Variants in PHF21B observed in about 807,000 individuals in gnomAD.
PHF21B encodes PHD finger protein 21B.
In PHF21B, 22 loss-of-function variants were observed where a neutral mutation model predicts 62.2. That is an observed-to-expected ratio of 0.35 (90% CI 0.25 to 0.51). The LOEUF (loss-of-function observed/expected upper bound fraction) is 0.51, where lower values mean the gene tolerates loss of function less well. PHF21B is among the 20% of genes least tolerant of loss of function. The pLI is 0.97. For synonymous variants in PHF21B, 341 were observed against 314.7 expected (o/e 1.08, Z -0.88); for missense variants, 701 against 707.9 (o/e 0.99, Z 0.11).
Position 44,883,043 on chromosome 22 carries a change from G to T in PHF21B, c.*43C>A. On this transcript the variant is annotated 3_prime_UTR_variant, in exon 13 of 13. Coordinates refer to ENST00000313237, the MANE Select transcript of PHF21B (RefSeq NM_138415.5). ...AGAACCCCCAGGCTGTGTAAGCAGG[G>T]TCCCAATAACTTTCCGTGGGTATGA... 6.4e-7 allele frequency: 1 copy of T among 1,556,748 alleles called. No individual in the cohort carries two copies. The highest frequency in any genetic ancestry group is 8.7e-7 in the Non-Finnish European group (1 of 1,150,720).
At chr22:44,937,716 T>G (rs1024506325) in intron 2 of PHF21B, among the ~76,000 whole-genome samples, 10 of 152,228 alleles carry the variant, frequency 6.6e-5, no homozygotes, top group Non-Finnish European at 1.3e-4. Context: ...AAACCTACTG[T>G]GGGACCCCCA....
Position 44,888,178 on chromosome 22 carries a change from G to T in PHF21B, c.1039-57C>A. ...AGCCACAGCCAGGGCAGCGGGGGCC[G>T]GTCAGCCAGGGCCAGGCCCAGGCAG... On this transcript the variant is annotated intron_variant, in intron 9 of 12. Transcript: ENST00000313237. 3 of 1,427,342 alleles carry T rather than the reference G, an allele frequency of 2.1e-6. No homozygotes were observed. In the South Asian group the frequency reaches 4.4e-5, roughly 21 times the overall value. The allele number at this position is 1,427,342 out of a possible 1,614,324, so 88.4% of individuals were successfully genotyped here. A position where few individuals can be genotyped will look rare whatever the true frequency, so the allele number is the denominator to read the frequency against.
intron 2 of PHF21B, among the ~76,000 whole-genome samples, chr22:44,999,004 ACCCT>A (rs976026746): frequency 1.4e-4 from 21 of 152,248 alleles, no homozygotes; most frequent in Middle Eastern, 3.4e-3. Flanking sequence ...CCACATGGAT[ACCCT>A]CCTTTCTGCC....
At chr22:44,987,726 G>A (rs571141156) in intron 2 of PHF21B, among the ~76,000 whole-genome samples, 1 of 151,338 alleles carries the variant, frequency 6.6e-6, no homozygotes, top group Non-Finnish European at 1.5e-5. Context: ...TGAGGTTTAC[G>A]GTTCTTAAAT....
chr22:44,884,605 TCACCATAATCAC>T (rs971934298), intron 12 of PHF21B, among the ~76,000 whole-genome samples: 65 of 146,704 alleles, frequency 4.4e-4, no homozygotes, highest in African/African-American at 1.2e-3. Flanking sequence ...AACACCACCA[TCACCATAATCAC>T]CACCATAATC....
chr22:44,945,040 C>T (rs763152902), intron 2 of PHF21B, among the ~76,000 whole-genome samples: 3 of 133,268 alleles, frequency 2.3e-5, no homozygotes, highest in East Asian at 3.0e-4. Flanking sequence ...AAGGTGCTTG[C>T]GACGGCTCAC....
intron 2 of PHF21B, among the ~76,000 whole-genome samples, chr22:44,946,073 C>T (rs576879655): frequency 8.7e-5 from 13 of 149,848 alleles, no homozygotes; most frequent in Admixed American, 6.6e-4. Flanking sequence ...TGGCCTCCAC[C>T]GGCTCATCAG....
Position 44,883,084 on chromosome 22 carries a change from G to T in PHF21B, c.*2C>A. The T allele has an allele frequency of 6.2e-7, 1 of 1,608,242 alleles. No homozygotes were observed. The highest frequency in any genetic ancestry group is 8.5e-7 in the Non-Finnish European group (1 of 1,178,198). On this transcript the variant is annotated 3_prime_UTR_variant, in exon 13 of 13. Transcript: ENST00000313237. ...GTGGGTATGAAGACTGGTCCCTCGG[G>T]GTCAGTTGTGGCCCTGGGGGTGCTG...
rs576458878 is a variant in PHF21B at position 44,913,072 on chromosome 22, G to A, written c.831+750C>T. The stretch of plus-strand genomic sequence containing the variant: ...CGGCCCTGAGTCAGCTGCTGTCCCC[G>A]CGCCACCATCAGTGCAGGGGCTGCG... On this transcript the variant is annotated intron_variant, in intron 5 of 12. Transcript: ENST00000313237. Among the ~76,000 whole-genome samples the A allele has an allele frequency of 2.7e-3, 408 of 152,182 alleles. 2 individuals are homozygous for A. Among genetic ancestry groups the A allele is most frequent in the African/African-American group, 9.1e-3 (376 of 41,498 alleles).
intron 2 of PHF21B, among the ~76,000 whole-genome samples, chr22:44,972,312 T>C (rs1291335901): frequency 1.3e-5 from 2 of 152,254 alleles, no homozygotes; most frequent in Non-Finnish European, 2.9e-5. Context: ...CTTTTGACTT[T>C]GGTAAAATGT....
In PHF21B at chr22:44,934,244, C is replaced by A. The variant is rs1024832503; in HGVS notation, c.121-13754G>T. 4.5e-4 allele frequency among the ~76,000 whole-genome samples: 69 copies of A among 152,330 alleles called. 1 individual carries two copies. Among genetic ancestry groups the A allele is most frequent in the South Asian group, 3.5e-3 (17 of 4,826 alleles). ...GCCGCTGGCCCTCACCTGCACCTCA[C>A]CCACCTGCTTCCCCTGTCCTGGAGC... On this transcript the variant is annotated intron_variant, in intron 2 of 12. Coordinates refer to ENST00000313237, the MANE Select transcript of PHF21B (RefSeq NM_138415.5).
In PHF21B at chr22:44,927,038, C is replaced by T. The variant is rs2071646135; in HGVS notation, c.121-6548G>A. Reference sequence around the variant, plus strand: ...CCCTCCTGACTTGGGACCCTGACAACTCCTGTGCCCTTACTTTAGGAATTC... The same window carrying T: ...CCCTCCTGACTTGGGACCCTGACAATTCCTGTGCCCTTACTTTAGGAATTC... On this transcript the variant is annotated intron_variant, in intron 2 of 12. Coordinates refer to ENST00000313237, the MANE Select transcript of PHF21B (RefSeq NM_138415.5). Among the ~76,000 whole-genome samples the T allele has an allele frequency of 4.6e-5, 7 of 152,240 alleles. No individual in the cohort carries two copies. The South Asian group carries it at 1.5e-3, about 32-fold the overall frequency.
chr22:44,908,904 T>A (rs1293930502), intron 5 of PHF21B, among the ~76,000 whole-genome samples: 7 of 152,184 alleles, frequency 4.6e-5, no homozygotes. Flanking sequence ...TTCAAGCGAT[T>A]CTCCTGCCTC....
chr22:44,883,059 G>A lies in PHF21B; in HGVS notation c.*27C>T, dbSNP rs562305338. On this transcript the variant is annotated 3_prime_UTR_variant, in exon 13 of 13. Coordinates refer to ENST00000313237, the MANE Select transcript of PHF21B (RefSeq NM_138415.5). ...GTAAGCAGGGTCCCAATAACTTTCCGTGGGTATGAAGACTGGTCCCTCGGG... is the reference window on the plus strand; with the variant it reads ...GTAAGCAGGGTCCCAATAACTTTCCATGGGTATGAAGACTGGTCCCTCGGG... The A allele has an allele frequency of 6.0e-5, 95 of 1,581,910 alleles. 1 individual carries two copies. Among genetic ancestry groups the A allele is most frequent in the Middle Eastern group, 2.1e-4 (1 of 4,734 alleles).
At chr22:44,887,242 C>T (rs995048501) in intron 10 of PHF21B, among the ~76,000 whole-genome samples, 10 of 152,042 alleles carry the variant, frequency 6.6e-5, no homozygotes, top group Admixed American at 2.0e-4. Context: ...CACTTGAAGC[C>T]AAGCACTGCT....
intron 2 of PHF21B, among the ~76,000 whole-genome samples, chr22:44,949,824 T>C (rs1444523450): frequency 6.6e-6 from 1 of 151,628 alleles, no homozygotes. Context: ...AATCACATCC[T>C]GCAAAACGTT....
chr22:44,942,733 C>T (rs999044720), intron 2 of PHF21B, among the ~76,000 whole-genome samples: 6 of 152,128 alleles, frequency 3.9e-5, no homozygotes, highest in African/African-American at 7.2e-5. Context: ...CGGGGAGCCA[C>T]GTGGAGGGCA....
At chr22:44,990,293 C>T (rs759861702) in intron 2 of PHF21B, among the ~76,000 whole-genome samples, 8 of 152,234 alleles carry the variant, frequency 5.3e-5, no homozygotes, top group Admixed American at 2.0e-4. Context: ...CAAGTCCCAT[C>T]CATCAATTCC....
chr22:44,898,039 C>T (rs1420989414), intron 5 of PHF21B, among the ~76,000 whole-genome samples: 3 of 152,172 alleles, frequency 2.0e-5, no homozygotes, highest in African/African-American at 7.2e-5. Context: ...AAACTCTTGG[C>T]TTCAAGCGAT....
Sources: gnomAD v4.1 joint callset for allele counts (sites outside exome capture counted in the v4.1 genomes callset) on GRCh38, gnomAD v4.1.1 for gene constraint, MANE v1.5 for transcripts, NCBI Gene and HGNC (gene_info 2026-07-23, HGNC 2026-07-21) for gene names.